NIPAL2: variants seen among roughly 807,000 people sequenced by gnomAD.
NIPAL2 encodes the protein NIPA-like protein 2.
NIPAL2 carries 43 observed loss-of-function variants against 48.9 expected under a neutral mutation model. That is an observed-to-expected ratio of 0.88 (90% CI 0.69 to 1.13). The LOEUF (loss-of-function observed/expected upper bound fraction) is 1.13, where lower values mean the gene tolerates loss of function less well. NIPAL2 is among the 50% of genes most tolerant of loss of function. NIPAL2 has a pLI of 0.00. For missense variants in NIPAL2, 446 were observed against 461.4 expected (o/e 0.97, Z 0.31); for synonymous variants, 167 against 174.6 (o/e 0.96, Z 0.34).
intron 1 of NIPAL2, among the ~76,000 whole-genome samples, chr8:98,280,323 C>A (rs1029694763): frequency 5.3e-5 from 8 of 152,134 alleles, no homozygotes. Flanking sequence ...TTGTATGCAA[C>A]CCACAACTGG....
chr8:98,217,291 G>T, intron 5 of NIPAL2: 1 of 985,312 alleles, frequency 1.0e-6, no homozygotes, highest in Non-Finnish European at 1.2e-6. Context: ...ATCTGTCTGG[G>T]GCACGCAAAC....
rs376853751 is a variant in NIPAL2 at position 98,239,017 on chromosome 8, G to C, written c.377-2803C>G. Among the ~76,000 whole-genome samples, 13 of 152,246 alleles carry C rather than the reference G, an allele frequency of 8.5e-5. No homozygotes were observed. The South Asian group carries it at 1.9e-3, about 22-fold the overall frequency. On this transcript the variant is annotated intron_variant, in intron 3 of 10. Coordinates refer to ENST00000430223, the MANE Select transcript of NIPAL2 (RefSeq NM_001321635.2). The stretch of plus-strand genomic sequence containing the variant: ...TTAAGTAAGGGATGTTTCTAAGTAG[G>C]AGATCGATTAGCAATAAAAAATAGG...
chr8:98,232,260 G>A (rs1586361221), intron 4 of NIPAL2, among the ~76,000 whole-genome samples: 2 of 152,192 alleles, frequency 1.3e-5, no homozygotes. Context: ...CTAGATTAAA[G>A]GCAAAAATTG....
intron 8 of NIPAL2, among the ~76,000 whole-genome samples, chr8:98,202,297 G>C (rs1388683771): frequency 2.6e-5 from 4 of 152,212 alleles, no homozygotes; most frequent in Admixed American, 2.6e-4. Flanking sequence ...ATATAGGGAA[G>C]AGTTAGTAGA....
chr8:98,266,989 C>T (rs559972592), intron 1 of NIPAL2, among the ~76,000 whole-genome samples: 1 of 151,820 alleles, frequency 6.6e-6, no homozygotes, highest in South Asian at 2.1e-4. Flanking sequence ...AAAAAAACTG[C>T]CAACCTGTTG....
rs747744930 is a variant in NIPAL2 at position 98,294,083 on chromosome 8, C to T, written c.55G>A (p.Glu19Lys). The change falls in exon 1 of 11, where the codon GAG becomes AAG. Residue 19 changes from glutamate to lysine, a missense_variant. Physicochemically the swap from Glu to Lys is moderately conservative, Grantham distance 56. Coordinates refer to ENST00000430223, the MANE Select transcript of NIPAL2 (RefSeq NM_001321635.2). ...CCGTACGTGAAATTCAGTGACAGCT[C>T]GTCCAGGGCGGCCGAGGCGGAGTCC... ...PGDSASAALD[E>K]LSLNFTYGAP... The T allele has an allele frequency of 1.9e-5, 29 of 1,493,692 alleles. 1 individual carries two copies. The highest frequency in any genetic ancestry group is 2.5e-5 in the South Asian group (2 of 78,474). 92.5% of individuals were successfully genotyped at this position (1,493,692 alleles called of 1,614,324 possible).
rs1037567916 is a variant in NIPAL2, at chr8:98,242,491, T to TTTTG, written c.377-6278_377-6277insCAAA. ...CAAAAGCCACTGCACCTGACAGATTTTTTTTTTTTTTTTTTTAACTGAGCC... is the reference window on the plus strand; with the variant it reads ...CAAAAGCCACTGCACCTGACAGATTTTTTGTTTTTTTTTTTTTTTTAACTGAGCC... On this transcript the variant is annotated intron_variant, in intron 3 of 10. Coordinates refer to ENST00000430223, the MANE Select transcript of NIPAL2 (RefSeq NM_001321635.2). 2.1e-5 allele frequency among the ~76,000 whole-genome samples: 3 copies of TTTTG among 141,210 alleles called. No individual in the cohort carries two copies. The East Asian group carries it at 6.1e-4, about 29-fold the overall frequency. The allele number at this position is 141,210 out of a possible 152,430, so 92.6% of individuals were successfully genotyped here.
intron 4 of NIPAL2, among the ~76,000 whole-genome samples, chr8:98,230,390 A>G (rs1462795349): frequency 2.0e-5 from 3 of 152,216 alleles, no homozygotes; most frequent in Admixed American, 6.5e-5. Context: ...TTCATAAGGT[A>G]GATGCTCCAC....
intron 6 of NIPAL2, 125 bp from the exon 7 acceptor site, chr8:98,205,371 G>A (rs1338244539): frequency 1.2e-6 from 1 of 851,102 alleles, no homozygotes; most frequent in Non-Finnish European, 1.8e-6. Flanking sequence ...ACAGTTGTGA[G>A]AGGTGTAGGA....
At chr8:98,194,482 TC>T (rs1252566073) in intron 10 of NIPAL2, among the ~76,000 whole-genome samples, 1 of 152,078 alleles carries the variant, frequency 6.6e-6, no homozygotes, top group Non-Finnish European at 1.5e-5. Context: ...AAAAAGGAAA[TC>T]CTCCAAATCA....
chr8:98,277,765 T>C lies in NIPAL2; in HGVS notation c.135+16238A>G, dbSNP rs79777447. The stretch of plus-strand genomic sequence containing the variant: ...CATAATGTTTTCAAGACTCATCACA[T>C]TGTAGCATGTACCAGTATGTATCAC... On this transcript the variant is annotated intron_variant, in intron 1 of 10. Coordinates refer to ENST00000430223, the MANE Select transcript of NIPAL2 (RefSeq NM_001321635.2). Among the ~76,000 whole-genome samples the C allele has an allele frequency of 2.9e-3, 444 of 152,336 alleles. 15 individuals are homozygous for C. The East Asian group carries it at 0.07, about 24-fold the overall frequency.
chr8:98,223,279 T>C (rs915900919), intron 4 of NIPAL2, among the ~76,000 whole-genome samples: 19 of 152,080 alleles, frequency 1.2e-4, no homozygotes, highest in African/African-American at 3.9e-4. Context: ...CATAAACCTA[T>C]GTAAGGAATG....
chr8:98,265,169 A>G (rs1386684098), intron 1 of NIPAL2, among the ~76,000 whole-genome samples: 2 of 147,380 alleles, frequency 1.4e-5, no homozygotes, highest in Admixed American at 6.8e-5. Flanking sequence ...ACCTAAAACC[A>G]TAAAAACCCT....
chr8:98,254,822 C>T (rs1813783418), intron 1 of NIPAL2, among the ~76,000 whole-genome samples: 1 of 152,236 alleles, frequency 6.6e-6, no homozygotes, highest in Admixed American at 6.5e-5. Context: ...CCAGATGTGA[C>T]ACTTTCTCAT....
At chr8:98,202,183 G>A (rs1425593665) in intron 8 of NIPAL2, among the ~76,000 whole-genome samples, 1 of 152,176 alleles carries the variant, frequency 6.6e-6, no homozygotes, top group East Asian at 1.9e-4. Flanking sequence ...AAAAATAGAG[G>A]CCAGAATAGC....
rs369734697 is a variant in NIPAL2 at position 98,203,154 on chromosome 8, C to T, written c.834G>A (p.Val278=). ...TAAAGAAAATATGATTAACTGGCAC[C>T]ACTGTTGTCGTATTGTAGAGTTTCG... is the stretch of plus-strand genomic sequence containing the variant. ...QATKLYNTTT[V]VPVNHIFFTI... The change falls in exon 8 of 11, where the codon GTG becomes GTA. Residue 278 remains valine (V), a synonymous_variant. Coordinates refer to ENST00000430223, the MANE Select transcript of NIPAL2 (RefSeq NM_001321635.2). The T allele has an allele frequency of 2.5e-6, 4 of 1,614,004 alleles. No individual in the cohort carries two copies. The highest frequency in any genetic ancestry group is 3.4e-6 in the Non-Finnish European group (4 of 1,179,980).
intron 3 of NIPAL2, among the ~76,000 whole-genome samples, chr8:98,238,166 T>C (rs1197384492): frequency 6.6e-6 from 1 of 152,186 alleles, no homozygotes; most frequent in East Asian, 1.9e-4. Context: ...GGGTCATTTA[T>C]GAGTATAGGC....
At position 98,195,867 on chromosome 8, in the gene NIPAL2, C is replaced by A. The variant is rs1810517290; in HGVS notation, c.944+75G>T. 8.7e-6 allele frequency: 9 copies of A among 1,031,468 alleles called. No homozygotes were observed. In the Admixed American group the frequency reaches 1.9e-4, roughly 22 times the overall value. The allele number at this position is 1,031,468 out of a possible 1,614,324, so 63.9% of individuals were successfully genotyped here. A position where few individuals can be genotyped will look rare whatever the true frequency, so the allele number is the denominator to read the frequency against. On this transcript the variant is annotated intron_variant, in intron 9 of 10. Coordinates refer to ENST00000430223, the MANE Select transcript of NIPAL2 (RefSeq NM_001321635.2). The stretch of plus-strand genomic sequence containing the variant: ...TATATTATTTTCCAATTTTCTATAC[C>A]TCCGGTACAATGCCGAAAATCCTAC...
chr8:98,236,178 T>G lies in NIPAL2; in HGVS notation c.413A>C (p.Asn138Thr). The G allele has an allele frequency of 6.2e-7, 1 of 1,603,446 alleles. No individual in the cohort carries two copies. Among genetic ancestry groups the G allele is most frequent in the Non-Finnish European group, 8.5e-7 (1 of 1,173,530 alleles). The change falls in exon 4 of 11, where the codon AAT (asparagine) becomes ACT (threonine). Residue 138 changes from asparagine to threonine, a missense_variant. Asn to Thr is a moderately conservative substitution (Grantham distance 65). Transcript: ENST00000430223. ...AIISVTFLKDNLRASDLLGTT... is the reference protein window; with the variant it reads ...AIISVTFLKDTLRASDLLGTT... Reference sequence around the variant, plus strand: ...ACCGAGTAAGTCTGAGGCTCTCAAATTGTCTTTCAGAAATGTAACAGAAAT... The same window carrying G: ...ACCGAGTAAGTCTGAGGCTCTCAAAGTGTCTTTCAGAAATGTAACAGAAAT...
Sources: allele counts gnomAD v4.1 joint callset (sites outside exome capture counted in the v4.1 genomes callset), GRCh38; gene constraint gnomAD v4.1.1; transcripts MANE v1.5; gene names NCBI Gene and HGNC (gene_info 2026-07-23, HGNC 2026-07-21).